Variants in CFAP299 observed in about 807,000 individuals in gnomAD.
The protein encoded by CFAP299 is cilia and flagella associated protein 299, also known as cilia- and flagella-associated protein 299.
Under a neutral mutation model 27.0 loss-of-function variants are expected in CFAP299, and 21 were observed. That is an observed-to-expected ratio of 0.78 (90% CI 0.55 to 1.12). The LOEUF is 1.12. Among genes scored for constraint, CFAP299 ranks in the 50% most tolerant of loss-of-function variants. CFAP299 has a pLI of 0.00. For synonymous variants in CFAP299, 104 were observed against 98.1 expected (o/e 1.06, Z -0.36); for missense variants, 310 against 276.6 (o/e 1.12, Z -0.86).
At chr4:80,920,264 T>G (rs1349934824) in intron 4 of CFAP299, among the ~76,000 whole-genome samples, 1 of 152,140 alleles carries the variant, frequency 6.6e-6, no homozygotes, top group Non-Finnish European at 1.5e-5. Context: ...TCCCCTTCAT[T>G]GAATACATGC....
intron 2 of CFAP299, among the ~76,000 whole-genome samples, chr4:80,415,275 T>C (rs1307005297): frequency 6.6e-6 from 1 of 152,210 alleles, no homozygotes; most frequent in Non-Finnish European, 1.5e-5. Context: ...CTTACAGAGT[T>C]AGAAGTTGCT....
chr4:80,677,124 A>G (rs898424825), intron 3 of CFAP299, among the ~76,000 whole-genome samples: 1 of 151,914 alleles, frequency 6.6e-6, no homozygotes. Context: ...ACTGTATCCC[A>G]TAGATTTGGT....
At chr4:80,891,801 T>TAAAAAAAAAAAA in intron 4 of CFAP299, among the ~76,000 whole-genome samples, 1 of 29,168 alleles carries the variant, frequency 3.4e-5, no homozygotes, top group African/African-American at 1.5e-4. Context: ...AAAAAAAAAA[T>TAAAAAAAAAAAA]AAAAGCTTTG....
intron 3 of CFAP299, among the ~76,000 whole-genome samples, chr4:80,634,685 G>T (rs1324535983): frequency 6.6e-6 from 1 of 152,074 alleles, no homozygotes; most frequent in Admixed American, 6.6e-5. Flanking sequence ...TTTTTGATGG[G>T]CTATTATAAT....
intron 2 of CFAP299, among the ~76,000 whole-genome samples, chr4:80,376,914 C>T (rs995555830): frequency 7.9e-5 from 12 of 152,304 alleles, no homozygotes; most frequent in East Asian, 3.9e-4. Context: ...CTCGGCCTCC[C>T]AAAGTGAGCA....
At chr4:80,877,727 C>T (rs1480569894) in intron 4 of CFAP299, among the ~76,000 whole-genome samples, 1 of 152,092 alleles carries the variant, frequency 6.6e-6, no homozygotes, top group African/African-American at 2.4e-5. Flanking sequence ...AGTTGAGTGA[C>T]ATTAAATACA....
chr4:80,371,693 G>A (rs756821389), intron 2 of CFAP299, among the ~76,000 whole-genome samples: 1 of 150,566 alleles, frequency 6.6e-6, no homozygotes, highest in Non-Finnish European at 1.5e-5. Context: ...TCTTTGCTAG[G>A]ACATAACAAA....
rs936781185 is a variant in CFAP299, at chr4:80,614,505, C to T, written c.333+31322C>T. ...GATGGCTCGGATTTGATTTGCAAGG[C>T]GGGAAAGCACCAAGAGCAGGCACTC... On this transcript the variant is annotated intron_variant, in intron 3 of 5. Transcript: ENST00000358105. Among the ~76,000 whole-genome samples the T allele has an allele frequency of 3.3e-5, 5 of 152,276 alleles. No homozygotes were observed. In the East Asian group the frequency reaches 7.7e-4, roughly 24 times the overall value.
At chr4:80,799,572 TATTTATAAA>T (rs1728159432) in intron 3 of CFAP299, among the ~76,000 whole-genome samples, 2 of 74,564 alleles carry the variant, frequency 2.7e-5, no homozygotes, top group African/African-American at 1.1e-4. Flanking sequence ...TAAATATATA[TATTTATAAA>T]ATATATTATA....
At chr4:80,612,346 A>C (rs1738028108) in intron 3 of CFAP299, among the ~76,000 whole-genome samples, 1 of 152,098 alleles carries the variant, frequency 6.6e-6, no homozygotes, top group Non-Finnish European at 1.5e-5. Context: ...AAAAAAAATT[A>C]TCTCAAAGCA....
At chr4:80,788,913 A>G (rs1727395566) in intron 3 of CFAP299, among the ~76,000 whole-genome samples, 1 of 152,074 alleles carries the variant, frequency 6.6e-6, no homozygotes, top group Non-Finnish European at 1.5e-5. Context: ...TGTCATTGGA[A>G]TGAGTAAGCC....
At chr4:80,913,861 A>C (rs1423695886) in intron 4 of CFAP299, among the ~76,000 whole-genome samples, 2 of 151,892 alleles carry the variant, frequency 1.3e-5, no homozygotes, top group African/African-American at 4.8e-5. Flanking sequence ...TTGATCCTCA[A>C]CTCCCACACT....
chr4:80,455,947 GA>G (rs1729131193), intron 2 of CFAP299, among the ~76,000 whole-genome samples: 1 of 150,778 alleles, frequency 6.6e-6, no homozygotes, highest in Admixed American at 6.6e-5. Context: ...AGACAATAAA[GA>G]AATAAAAAAA....
chr4:80,415,267 TAC>T (rs1038264960), intron 2 of CFAP299, among the ~76,000 whole-genome samples: 124 of 152,334 alleles, frequency 8.1e-4, no homozygotes, highest in African/African-American at 2.8e-3. Context: ...AGAAATGACT[TAC>T]AGAGTTAGAA....
chr4:80,948,362 T>A (rs542381582), intron 5 of CFAP299, among the ~76,000 whole-genome samples: 276 of 152,256 alleles, frequency 1.8e-3, no homozygotes, highest in African/African-American at 6.2e-3. Context: ...GGCTTTAACT[T>A]CCCTGCAGCT....
chr4:80,445,589 G>A (rs903618408), intron 2 of CFAP299, among the ~76,000 whole-genome samples: 30 of 152,190 alleles, frequency 2.0e-4, no homozygotes, highest in South Asian at 4.1e-4. Context: ...GGGTTGATGC[G>A]TGGAGCAAAC....
intron 3 of CFAP299, among the ~76,000 whole-genome samples, chr4:80,853,699 T>C (rs538629446): frequency 6.6e-6 from 1 of 152,198 alleles, no homozygotes; most frequent in East Asian, 1.9e-4. Context: ...ATGTTGAAGG[T>C]AGAGGCAACA....
intron 3 of CFAP299, among the ~76,000 whole-genome samples, chr4:80,698,793 G>A (rs1721275774): frequency 6.6e-6 from 1 of 152,150 alleles, no homozygotes; most frequent in African/African-American, 2.4e-5. Flanking sequence ...AGGAAGTGAG[G>A]CAGGAAGAGC....
chr4:80,429,019 C>T (rs1297495329), intron 2 of CFAP299, among the ~76,000 whole-genome samples: 1 of 152,158 alleles, frequency 6.6e-6, no homozygotes, highest in African/African-American at 2.4e-5. Flanking sequence ...ATGGGATGAG[C>T]ATTTGACAAG....
Sources: allele counts gnomAD v4.1 joint callset (sites outside exome capture counted in the v4.1 genomes callset), GRCh38; gene constraint gnomAD v4.1.1; transcripts MANE v1.5; gene names NCBI Gene and HGNC (gene_info 2026-07-23, HGNC 2026-07-21).